The following LAMA5 variants were observed in gnomAD, a reference collection of about 807,000 sequenced individuals.
LAMA5 encodes laminin subunit alpha-5.
Under a neutral mutation model 433.4 loss-of-function variants are expected in LAMA5, and 260 were observed. The observed-to-expected ratio is 0.60, with a 90% CI of 0.54 to 0.66. The LOEUF (loss-of-function observed/expected upper bound fraction) is 0.66. Ranked by LOEUF, LAMA5 falls within the 30% of genes least tolerant of loss-of-function variation. The pLI is 0.00. For synonymous variants in LAMA5, 2,620 were observed against 2,226.6 expected, an observed-to-expected ratio of 1.18 and a Z score of -4.97; for missense variants, 5,378 against 5,258.5, an observed-to-expected ratio of 1.02 and a Z score of -0.70.
intron 2 of LAMA5, 50 bp downstream of exon 2, chr20:62,362,349 CG>C (rs1986229363): frequency 1.4e-6 from 2 of 1,400,702 alleles, no homozygotes; most frequent in South Asian, 3.5e-5. Flanking sequence ...GTAGGCCCGA[CG>C]GGCACAGACA....
chr20:62,323,673 G>C lies in LAMA5; in HGVS notation c.5850-3C>G, dbSNP rs755901021. On this transcript the variant is annotated splice_polypyrimidine_tract_variant and splice_region_variant and intron_variant, in intron 44 of 79. Coordinates refer to ENST00000252999, the MANE Select transcript of LAMA5 (RefSeq NM_005560.6). ...TCCCAAAGAATCCGGGCGCACACCT[G>C]GGAGCAGGGTGGGGAGGGGCCGTCA... The C allele has an allele frequency of 6.2e-7, 1 of 1,605,826 alleles. No homozygotes were observed. The highest frequency in any genetic ancestry group is 8.5e-7 in the Non-Finnish European group (1 of 1,176,000).
rs1601352853 is a variant in LAMA5, at chr20:62,332,714, C to A, written c.3286G>T (p.Asp1096Tyr). ...PLITCTGSDV[D>Y]VQLQVAVPQP... is the part of the protein sequence containing the mutation. ...GGCACTGCCACTTGAAGCTGGACGT[C>A]CACCTGCAGGGAAGGCAGGGTGACG... Residue 1096 changes from aspartate to tyrosine, a missense_variant, in exon 27 of 80, where the codon GAC (aspartate) becomes TAC (tyrosine). Transcript: ENST00000252999. 6.2e-7 allele frequency: 1 copy of A among 1,610,244 alleles called. No homozygotes were observed. Among genetic ancestry groups the A allele is most frequent in the South Asian group, 1.1e-5 (1 of 90,854 alleles).
Position 62,320,674 on chromosome 20 carries a change from G to T in LAMA5, c.6649-5C>A. 1 of 1,610,784 alleles carries T rather than the reference G, an allele frequency of 6.2e-7. No individual in the cohort carries two copies. The highest frequency in any genetic ancestry group is 1.1e-5 in the South Asian group (1 of 90,930). On this transcript the variant is annotated splice_region_variant and splice_polypyrimidine_tract_variant and intron_variant, in intron 49 of 79. Transcript: ENST00000252999. ...CAGGGGGCTCCGGAGCTGGCTCTGT[G>T]GGAGGCGAAAGGTGAAGGCCTGCAC...
chr20:62,312,382 C>A lies in LAMA5; in HGVS notation c.9360+18G>T, dbSNP rs1368838906. ...CATGTCCACAGATGCCACCCCCAGC[C>A]CGGGGAGGGCTGCTCACCAGCAGGT... On this transcript the variant is annotated intron_variant, in intron 68 of 79. Coordinates refer to ENST00000252999, the MANE Select transcript of LAMA5 (RefSeq NM_005560.6). The A allele has an allele frequency of 6.3e-7, 1 of 1,599,486 alleles. No individual in the cohort carries two copies. The highest frequency in any genetic ancestry group is 1.7e-5 in the Admixed American group (1 of 59,818).
rs1236191689 is a variant in LAMA5, at chr20:62,328,957, G to C, written c.4334C>G (p.Ala1445Gly). The change falls in exon 34 of 80, where the codon GCT becomes GGT. Residue 1445 changes from alanine (A) to glycine (G), a missense_variant. Physicochemically the swap from Ala to Gly is moderately conservative, Grantham distance 60. Coordinates refer to ENST00000252999, the MANE Select transcript of LAMA5 (RefSeq NM_005560.6). ...GAAGGGCTCACACGTGGGGCCTGTAGCACCTACTTCGTGGCAGCCACATGG... is the reference window on the plus strand; with the variant it reads ...GAAGGGCTCACACGTGGGGCCTGTACCACCTACTTCGTGGCAGCCACATGG... ...ARPCGCHEVGATGPTCEPFGG... is the reference protein window; with the variant it reads ...ARPCGCHEVGGTGPTCEPFGG... 3.1e-6 allele frequency: 5 copies of C among 1,612,302 alleles called. No individual in the cohort carries two copies. Among genetic ancestry groups the C allele is most frequent in the Non-Finnish European group, 4.2e-6 (5 of 1,179,690 alleles).
At position 62,325,563 on chromosome 20, in the gene LAMA5, G is replaced by A. The variant is rs1161631551; in HGVS notation, c.5299-17C>T. On this transcript the variant is annotated splice_polypyrimidine_tract_variant and intron_variant, in intron 40 of 79. Transcript: ENST00000252999. ...GAAGTTCCCCTGTGGGTCCAGGATG[G>A]CACCTCAGTGGGGCCACACTCAATG... 1.9e-6 allele frequency: 3 copies of A among 1,543,824 alleles called. No individual in the cohort carries two copies. The highest frequency in any genetic ancestry group is 2.7e-6 in the Non-Finnish European group (3 of 1,123,626).
At position 62,336,432 on chromosome 20, in the gene LAMA5, C is replaced by G. The variant is rs1464303101; in HGVS notation, c.2231G>C (p.Cys744Ser). The G allele has an allele frequency of 6.2e-7, 1 of 1,612,142 alleles. No homozygotes were observed. The highest frequency in any genetic ancestry group is 1.3e-5 in the African/African-American group (1 of 74,918). The change falls in exon 18 of 80, where the codon TGT becomes TCT. Residue 744 changes from cysteine (C) to serine (S), a missense_variant. Physicochemically the swap from Cys to Ser is moderately radical, Grantham distance 112. Transcript: ENST00000252999. The stretch of plus-strand genomic sequence containing the variant: ...CCCCTCCACGTGAGCCCGGCACATA[C>G]AGGGAACCTGTGCCTGGGAGAGGAC... ...DPALPEAQVPCMCRAHVEGPS... is the reference protein window; with the variant it reads ...DPALPEAQVPSMCRAHVEGPS...
At chr20:62,363,590 G>GC (rs1568993358) in intron 1 of LAMA5, among the ~76,000 whole-genome samples, 3 of 151,942 alleles carry the variant, frequency 2.0e-5, no homozygotes, top group Admixed American at 6.6e-5. Context: ...CTGCTCCCCC[G>GC]CCCCCCCAGG....
intron 47 of LAMA5, 39 bp from the exon 48 acceptor site, chr20:62,322,207 A>G: frequency 1.3e-6 from 2 of 1,566,664 alleles, no homozygotes; most frequent in African/African-American, 2.7e-5. Flanking sequence ...CTGGCCTGGG[A>G]CCTTGGAGCG....
chr20:62,310,667 G>T lies in LAMA5; in HGVS notation c.10444C>A (p.Pro3482Thr). 6.2e-7 allele frequency: 1 copy of T among 1,602,836 alleles called. No homozygotes were observed. The highest frequency in any genetic ancestry group is 8.5e-7 in the Non-Finnish European group (1 of 1,178,398). ...GGCTGGGGCAAGATGGTTCTCACCG[G>T]AAGTTTGGAGCTGTGGCTGCTGGCC... ...LPASSHSSKL[P>T]VTVGFSGCVK... is the part of the protein sequence containing the mutation. Residue 3482 changes from proline (P) to threonine (T), a missense_variant and splice_region_variant, in exon 75 of 80, where the codon CCG becomes ACG. Coordinates refer to ENST00000252999, the MANE Select transcript of LAMA5 (RefSeq NM_005560.6).
chr20:62,313,900 T>C (rs1468824947), intron 62 of LAMA5, 98 bp from the exon 63 acceptor site: 59 of 843,842 alleles, frequency 7.0e-5, no homozygotes, highest in East Asian at 2.2e-4. Flanking sequence ...CACGGAGAGA[T>C]GAGGGGTGGC....
rs976523974 is a variant in LAMA5 at position 62,314,689 on chromosome 20, C to T, written c.8233G>A (p.Val2745Met). 4 of 1,612,524 alleles carry T rather than the reference C, an allele frequency of 2.5e-6. No individual in the cohort carries two copies. Among genetic ancestry groups the T allele is most frequent in the Admixed American group, 1.7e-5 (1 of 59,976 alleles). The change falls in exon 61 of 80, where the codon GTG (valine) becomes ATG (methionine). Residue 2745 changes from valine (V) to methionine (M), a missense_variant. Val to Met is a conservative substitution (Grantham distance 21). Transcript: ENST00000252999. ...VPMKFNGRSG[V>M]QLRTPRDLAD... ...AGATCCCGTGGGGTGCGCAGCTGCA[C>T]CCCTGAGCGCCCGTTGAACTTCATG...
At position 62,318,666 on chromosome 20, in the gene LAMA5, G is replaced by A. The variant is rs1237933157; in HGVS notation, c.7043-16C>T. 1.2e-6 allele frequency: 2 copies of A among 1,607,186 alleles called. No homozygotes were observed. The highest frequency in any genetic ancestry group is 1.7e-6 in the Non-Finnish European group (2 of 1,177,352). ...CGGGCCAGCACTAGCCGAGACCAGG[G>A]TGAGGGTGGTCACTCTGGAAGCCAG... On this transcript the variant is annotated splice_polypyrimidine_tract_variant and intron_variant, in intron 52 of 79. Coordinates refer to ENST00000252999, the MANE Select transcript of LAMA5 (RefSeq NM_005560.6).
intron 11 of LAMA5, among the ~76,000 whole-genome samples, chr20:62,340,210 G>C (rs185495031): frequency 1.3e-5 from 2 of 151,950 alleles, no homozygotes; most frequent in East Asian, 3.9e-4. Context: ...ACAAAGACTG[G>C]ATGGAGATAC....
chr20:62,353,049 G>A, intron 3 of LAMA5, 85 bp downstream of exon 3: 1 of 972,432 alleles, frequency 1.0e-6, no homozygotes, highest in South Asian at 1.6e-5. Context: ...TGGGTATTCG[G>A]AGACCTTCAG....
intron 45 of LAMA5, among the ~76,000 whole-genome samples, chr20:62,323,209 G>A (rs527263739): frequency 7.0e-6 from 1 of 142,466 alleles, no homozygotes; most frequent in Non-Finnish European, 1.6e-5. Context: ...AGGGTGTGAT[G>A]GTCCGGGGGA....
chr20:62,339,611 G>A (rs1042424739), intron 11 of LAMA5, among the ~76,000 whole-genome samples: 4 of 53,094 alleles, frequency 7.5e-5, no homozygotes, highest in Non-Finnish European at 3.1e-4. Context: ...TTGTGAGCAC[G>A]CTTCAGTTTT....
chr20:62,322,006 G>A lies in LAMA5; in HGVS notation c.6496+13C>T. On this transcript the variant is annotated intron_variant, in intron 48 of 79. Transcript: ENST00000252999. ...TCCATCAGGTGTGGGGAAGTGGGGT[G>A]TTGAGGACACACCTTCACAGTGGAT... 4 of 1,596,808 alleles carry A rather than the reference G, an allele frequency of 2.5e-6. No individual in the cohort carries two copies. Among genetic ancestry groups the A allele is most frequent in the Non-Finnish European group, 3.4e-6 (4 of 1,178,100 alleles).
intron 11 of LAMA5, among the ~76,000 whole-genome samples, chr20:62,343,684 G>A (rs1429012570): frequency 6.7e-6 from 1 of 148,192 alleles, no homozygotes; most frequent in Non-Finnish European, 1.5e-5. Context: ...GCTGAGGCAG[G>A]AGAATCACTT....
Sources: allele counts gnomAD v4.1 joint callset (sites outside exome capture counted in the v4.1 genomes callset), GRCh38; gene constraint gnomAD v4.1.1; transcripts MANE v1.5; gene names NCBI Gene and HGNC (gene_info 2026-07-23, HGNC 2026-07-21).